NR2C1: variants seen among roughly 807,000 people sequenced by gnomAD.
NR2C1 encodes TR2 nuclear hormone receptor.
NR2C1 carries 33 observed loss-of-function variants against 74.8 expected under a neutral mutation model. The ratio of observed to expected loss-of-function variants is 0.44; its 90% CI spans 0.33 to 0.59. The LOEUF is 0.59. Ranked by LOEUF, NR2C1 falls within the 20% of genes least tolerant of loss-of-function variation. The probability of loss-of-function intolerance (pLI) is 0.02; values close to 1 mark genes in which losing one functional copy is unlikely to be tolerated. For synonymous variants in NR2C1, 225 were observed against 240.6 expected (o/e 0.94, Z 0.60); for missense variants, 568 against 715.6 (o/e 0.79, Z 2.35).
At chr12:95,024,755 A>G (rs1429314122) in intron 13 of NR2C1, among the ~76,000 whole-genome samples, 9 of 152,116 alleles carry the variant, frequency 5.9e-5, no homozygotes. Flanking sequence ...ATTTTTTTGT[A>G]GAAACAGGGT....
At chr12:95,041,677 T>C (rs1320727899) in intron 9 of NR2C1, among the ~76,000 whole-genome samples, 1 of 152,184 alleles carries the variant, frequency 6.6e-6, no homozygotes, top group East Asian at 1.9e-4. Flanking sequence ...GTATCAAGTA[T>C]AGTGAGGATA....
chr12:95,045,870 G>A (rs986267073), intron 9 of NR2C1, among the ~76,000 whole-genome samples: 29 of 151,628 alleles, frequency 1.9e-4, no homozygotes, highest in Admixed American at 5.3e-4. Context: ...ATGGAGTATC[G>A]CTCTGTCACT....
At chr12:95,061,573 T>A (rs918007714) in intron 3 of NR2C1, among the ~76,000 whole-genome samples, 1 of 152,222 alleles carries the variant, frequency 6.6e-6, no homozygotes, top group African/African-American at 2.4e-5. Context: ...TTTCTACCTT[T>A]ATTTCCAAAA....
intron 10 of NR2C1, among the ~76,000 whole-genome samples, chr12:95,038,508 A>G (rs1221645090): frequency 6.6e-6 from 1 of 152,270 alleles, no homozygotes; most frequent in African/African-American, 2.4e-5. Context: ...CTATAACACC[A>G]GCACTTTGGG....
At chr12:95,042,342 T>C (rs1871655860) in intron 9 of NR2C1, among the ~76,000 whole-genome samples, 1 of 151,752 alleles carries the variant, frequency 6.6e-6, no homozygotes. Context: ...CCCCAGTAGC[T>C]GGGACTACAG....
At chr12:95,047,296 AT>A (rs1003744232) in intron 9 of NR2C1, among the ~76,000 whole-genome samples, 1 of 152,146 alleles carries the variant, frequency 6.6e-6, no homozygotes, top group African/African-American at 2.4e-5. Context: ...TCTTACCATA[AT>A]TTTTTAGAAT....
chr12:95,023,229 G>A (rs991731443), intron 13 of NR2C1, among the ~76,000 whole-genome samples: 17 of 152,086 alleles, frequency 1.1e-4, no homozygotes, highest in Admixed American at 9.2e-4. Flanking sequence ...AAAATAATTA[G>A]CCAGGCATGG....
At chr12:95,032,487 C>T (rs1009665093) in intron 10 of NR2C1, among the ~76,000 whole-genome samples, 4 of 150,906 alleles carry the variant, frequency 2.7e-5, no homozygotes, top group South Asian at 4.2e-4. Flanking sequence ...AAAAAGACCC[C>T]CATCTCTACA....
At position 95,025,142 on chromosome 12, in the gene NR2C1, CTA is replaced by C; in HGVS notation, c.1637+6_1637+7del. 7.7e-7 allele frequency: 1 copy of C among 1,290,866 alleles called. No homozygotes were observed. The allele number at this position is 1,290,866 out of a possible 1,614,324, so 80.0% of individuals were successfully genotyped here. Reference sequence around the variant, plus strand: ...TATTTTAATTATATAGAATTTAACTCTAGATACCTGTAGGTGTCATCTGGATA... The same window carrying C: ...TATTTTAATTATATAGAATTTAACTCGATACCTGTAGGTGTCATCTGGATA... On this transcript the variant is annotated splice_donor_region_variant and intron_variant, in intron 13 of 13. Coordinates refer to ENST00000333003, the MANE Select transcript of NR2C1 (RefSeq NM_003297.4).
At chr12:95,071,090 A>G (rs1335457954) in intron 1 of NR2C1, among the ~76,000 whole-genome samples, 1 of 152,058 alleles carries the variant, frequency 6.6e-6, no homozygotes, top group African/African-American at 2.4e-5. Context: ...GATCCCAGCT[A>G]TGCAGGAGGC....
intron 9 of NR2C1, among the ~76,000 whole-genome samples, chr12:95,048,709 C>T (rs2136148387): frequency 6.7e-6 from 1 of 150,300 alleles, no homozygotes; most frequent in South Asian, 2.1e-4. Flanking sequence ...ACCATAACCT[C>T]CGCCTCCCGA....
At chr12:95,026,130 C>A (rs531369906) in intron 12 of NR2C1, among the ~76,000 whole-genome samples, 1 of 151,886 alleles carries the variant, frequency 6.6e-6, no homozygotes, top group Non-Finnish European at 1.5e-5. Flanking sequence ...TCGCTTGAAA[C>A]CAGGAGGCGG....
chr12:95,033,487 A>G (rs1284627449), intron 10 of NR2C1, among the ~76,000 whole-genome samples: 1 of 152,218 alleles, frequency 6.6e-6, no homozygotes, highest in African/African-American at 2.4e-5. Context: ...CAGGGAGAAC[A>G]AGGGCAAATG....
chr12:95,070,039 T>G (rs949038009), intron 1 of NR2C1, among the ~76,000 whole-genome samples: 1 of 152,268 alleles, frequency 6.6e-6, no homozygotes, highest in Admixed American at 6.5e-5. Flanking sequence ...GTCTGTTTTC[T>G]TCCCATTCTT....
intron 12 of NR2C1, 91 bp downstream of exon 12, chr12:95,028,296 A>C: frequency 1.9e-6 from 2 of 1,078,612 alleles, no homozygotes; most frequent in Non-Finnish European, 2.7e-6. Context: ...TAACTGCACC[A>C]TTTTACATCC....
chr12:95,051,987 A>AT, intron 7 of NR2C1, 44 bp from the exon 8 acceptor site: 5 of 1,304,624 alleles, frequency 3.8e-6, no homozygotes, highest in South Asian at 1.5e-5. Context: ...TGGTATCACT[A>AT]TTTTTTTCAA....
intron 9 of NR2C1, among the ~76,000 whole-genome samples, chr12:95,041,776 C>T (rs1871558317): frequency 6.6e-6 from 1 of 152,060 alleles, no homozygotes; most frequent in African/African-American, 2.4e-5. Context: ...TAAGTACATG[C>T]AATAATACCA....
intron 7 of NR2C1, among the ~76,000 whole-genome samples, chr12:95,055,272 T>C (rs1358509516): frequency 6.6e-6 from 1 of 152,210 alleles, no homozygotes; most frequent in Admixed American, 6.5e-5. Flanking sequence ...GAGAGCACAG[T>C]GTCTGGGCAG....
chr12:95,066,130 A>G (rs1475826509), intron 2 of NR2C1, among the ~76,000 whole-genome samples: 1 of 152,138 alleles, frequency 6.6e-6, no homozygotes, highest in East Asian at 1.9e-4. Context: ...ATTTCTACAA[A>G]TTGCTTTAAT....
Sources: allele counts gnomAD v4.1 joint callset (sites outside exome capture counted in the v4.1 genomes callset), GRCh38; gene constraint gnomAD v4.1.1; transcripts MANE v1.5; gene names NCBI Gene and HGNC (gene_info 2026-07-23, HGNC 2026-07-21).